DMXL2: variants seen among roughly 807,000 people sequenced by gnomAD.
DMXL2 encodes the protein dmX-like protein 2.
Under a neutral mutation model 331.1 loss-of-function variants are expected in DMXL2, and 103 were observed. The ratio of observed to expected loss-of-function variants is 0.31; its 90% confidence interval spans 0.27 to 0.37. The LOEUF is 0.37. Ranked by LOEUF, DMXL2 falls within the 10% of genes least tolerant of loss-of-function variation. The pLI, the probability that DMXL2 is intolerant of heterozygous loss-of-function variation, is 1.00. For synonymous variants in DMXL2, 1,281 were observed against 1,252.1 expected (o/e 1.02, Z -0.49); for missense variants, 3,171 against 3,642.9 (o/e 0.87, Z 3.33).
chr15:51,469,824 T>C (rs1380640812), intron 29 of DMXL2, among the ~76,000 whole-genome samples: 1 of 152,190 alleles, frequency 6.6e-6, no homozygotes, highest in African/African-American at 2.4e-5. Context: ...ATTAGCTAAA[T>C]ACAACTAAGT....
chr15:51,613,344 G>A (rs1188932671), intron 1 of DMXL2, among the ~76,000 whole-genome samples: 1 of 152,140 alleles, frequency 6.6e-6, no homozygotes, highest in Non-Finnish European at 1.5e-5. Flanking sequence ...GTATTAATTT[G>A]GGGAACTAAT....
intron 29 of DMXL2, among the ~76,000 whole-genome samples, chr15:51,468,959 A>G (rs929727637): frequency 3.4e-4 from 51 of 149,366 alleles, no homozygotes; most frequent in East Asian, 5.8e-4. Context: ...AAGTTAAAAA[A>G]AGAGAGAGAG....
At chr15:51,568,414 C>G in intron 3 of DMXL2, 73 bp downstream of exon 3, 1 of 1,047,752 alleles carries the variant, frequency 9.5e-7, no homozygotes, top group Non-Finnish European at 1.4e-6. Context: ...TCCTAAGGAG[C>G]TTTTTATTAA....
At chr15:51,455,315 AC>A in intron 39 of DMXL2, 87 bp from the exon 40 acceptor site, 1 of 1,076,408 alleles carries the variant, frequency 9.3e-7, no homozygotes, top group Non-Finnish European at 1.4e-6. Context: ...CTAAGGCCCT[AC>A]TAAATAAACA....
intron 3 of DMXL2, 76 bp downstream of exon 3, chr15:51,568,411 G>C: frequency 1.0e-6 from 1 of 978,324 alleles, no homozygotes; most frequent in Non-Finnish European, 1.5e-6. Context: ...AGCTCCTAAG[G>C]AGCTTTTTAT....
intron 15 of DMXL2, among the ~76,000 whole-genome samples, chr15:51,508,206 T>G (rs895451571): frequency 3.9e-5 from 6 of 152,026 alleles, no homozygotes; most frequent in Non-Finnish European, 8.8e-5. Context: ...GGGGAAAGAA[T>G]TAGGAGAAAG....
At chr15:51,474,635 G>T (rs1457812153) in intron 27 of DMXL2, 43 bp from the exon 28 acceptor site, 4 of 1,511,532 alleles carry the variant, frequency 2.6e-6, no homozygotes, top group Non-Finnish European at 3.5e-6. Flanking sequence ...TCAGGATGAA[G>T]CACCAGAAGG....
intron 33 of DMXL2, among the ~76,000 whole-genome samples, chr15:51,462,203 C>G (rs1196206095): frequency 1.3e-5 from 2 of 152,042 alleles, no homozygotes; most frequent in African/African-American, 4.8e-5. Context: ...TTCCACTGCC[C>G]TGGGCATGAG....
intron 1 of DMXL2, among the ~76,000 whole-genome samples, chr15:51,604,314 A>G (rs1418118665): frequency 6.6e-6 from 1 of 151,496 alleles, no homozygotes; most frequent in Non-Finnish European, 1.5e-5. Flanking sequence ...AAAAAAAAAA[A>G]AGAACACATA....
chr15:51,559,681 ATGT>A, intron 6 of DMXL2, among the ~76,000 whole-genome samples: 1 of 152,220 alleles, frequency 6.6e-6, no homozygotes, highest in Admixed American at 6.5e-5. Context: ...TGATCGGCCG[ATGT>A]ACTCCAGCCT....
At chr15:51,507,844 G>C (rs2140559419) in intron 15 of DMXL2, among the ~76,000 whole-genome samples, 2 of 151,018 alleles carry the variant, frequency 1.3e-5, no homozygotes, top group South Asian at 4.2e-4. Flanking sequence ...GTGGGGGAAG[G>C]AGCAGTGGTA....
chr15:51,554,909 G>A (rs1203374605), intron 6 of DMXL2, among the ~76,000 whole-genome samples: 1 of 152,166 alleles, frequency 6.6e-6, no homozygotes, highest in Non-Finnish European at 1.5e-5. Flanking sequence ...CATAATCCCA[G>A]CACTTTGGGA....
At chr15:51,495,234 T>C (rs758227665) in intron 18 of DMXL2, 100 bp from the exon 19 acceptor site, 11 of 662,780 alleles carry the variant, frequency 1.7e-5, no homozygotes, top group East Asian at 2.9e-5. Flanking sequence ...ATAATTTATA[T>C]AAAATACATA....
chr15:51,546,563 C>T (rs1259988586), intron 7 of DMXL2, among the ~76,000 whole-genome samples: 1 of 152,062 alleles, frequency 6.6e-6, no homozygotes, highest in East Asian at 1.9e-4. Flanking sequence ...AAGCAAGCTT[C>T]TGAGTGCCCA....
chr15:51,618,756 G>A (rs1215412525), intron 1 of DMXL2, among the ~76,000 whole-genome samples: 2 of 152,116 alleles, frequency 1.3e-5, no homozygotes, highest in Non-Finnish European at 2.9e-5. Flanking sequence ...TGCTTCTGTT[G>A]TTCTTATCTT....
At chr15:51,501,134 T>A (rs898045988) in intron 17 of DMXL2, among the ~76,000 whole-genome samples, 3 of 152,140 alleles carry the variant, frequency 2.0e-5, no homozygotes, top group African/African-American at 7.2e-5. Context: ...CAAACTGGCC[T>A]AGATCTGCAC....
intron 29 of DMXL2, among the ~76,000 whole-genome samples, chr15:51,468,959 AAG>A (rs139561448): frequency 7.2e-4 from 107 of 148,680 alleles, no homozygotes; most frequent in Admixed American, 1.1e-3. Context: ...AAGTTAAAAA[AAG>A]AGAGAGAGAG....
At chr15:51,579,711 C>T (rs2051281220) in intron 1 of DMXL2, among the ~76,000 whole-genome samples, 1 of 152,108 alleles carries the variant, frequency 6.6e-6, no homozygotes, top group Admixed American at 6.6e-5. Context: ...ATAATTTGGC[C>T]AACCTATCCT....
At chr15:51,553,759 T>C (rs894568373) in intron 6 of DMXL2, among the ~76,000 whole-genome samples, 1 of 150,298 alleles carries the variant, frequency 6.7e-6, no homozygotes, top group Admixed American at 6.7e-5. Flanking sequence ...TAAAAGAGTA[T>C]AGCACATATT....
Sources: gnomAD v4.1 joint callset for allele counts (sites outside exome capture counted in the v4.1 genomes callset) on GRCh38, gnomAD v4.1.1 for gene constraint, MANE v1.5 for transcripts, NCBI Gene and HGNC (gene_info 2026-07-23, HGNC 2026-07-21) for gene names.